CACNA2D3: variants seen among roughly 807,000 people sequenced by gnomAD.
CACNA2D3 encodes voltage-dependent calcium channel subunit alpha-2/delta-3.
A neutral mutation model predicts 160.6 loss-of-function variants in CACNA2D3; 60 were observed. That is an observed-to-expected ratio of 0.37 (90% CI 0.30 to 0.46). The LOEUF is 0.46. Ranked by LOEUF, CACNA2D3 falls within the 20% of genes least tolerant of loss-of-function variation. CACNA2D3 has a pLI of 1.00. For missense variants in CACNA2D3, 1,205 were observed against 1,365.0 expected, an observed-to-expected ratio of 0.88 and a Z score of 1.85; for synonymous variants, 558 against 492.9, an observed-to-expected ratio of 1.13 and a Z score of -1.75.
At chr3:54,301,416 A>G (rs1433754846) in intron 2 of CACNA2D3, among the ~76,000 whole-genome samples, 1 of 152,164 alleles carries the variant, frequency 6.6e-6, no homozygotes, top group African/African-American at 2.4e-5. Flanking sequence ...ATGACCTATG[A>G]TCATGACACT....
rs973882646 is a variant in CACNA2D3, at chr3:54,139,764, A to G, written c.204+16170A>G. On this transcript the variant is annotated intron_variant, in intron 2 of 37. Transcript: ENST00000474759. ...GCTTTAAACTGCCAAATAAAAAAAA[A>G]GCCAGCATTCATTCAACAAGTGTGG... 5.9e-5 allele frequency among the ~76,000 whole-genome samples: 9 copies of G among 152,244 alleles called. No individual in the cohort carries two copies. In the South Asian group the frequency reaches 6.2e-4, roughly 11 times the overall value.
chr3:54,344,195 C>T (rs932556406), intron 3 of CACNA2D3, among the ~76,000 whole-genome samples: 18 of 152,196 alleles, frequency 1.2e-4, no homozygotes, highest in Non-Finnish European at 2.5e-4. Context: ...CGCAGCCTCT[C>T]TCTCACCTCT....
At chr3:54,951,645 C>T (rs1013165311) in intron 27 of CACNA2D3, among the ~76,000 whole-genome samples, 10 of 151,092 alleles carry the variant, frequency 6.6e-5, no homozygotes, top group Admixed American at 2.6e-4. Context: ...TGCAGGGCTC[C>T]AGTCCCAGTT....
intron 5 of CACNA2D3, among the ~76,000 whole-genome samples, chr3:54,513,825 T>G (rs538390305): frequency 3.1e-4 from 47 of 152,246 alleles, no homozygotes; most frequent in Non-Finnish European, 5.0e-4. Flanking sequence ...GGTTTACAGG[T>G]GCACATCACC....
intron 35 of CACNA2D3, among the ~76,000 whole-genome samples, chr3:55,020,120 CA>C (rs573377865): frequency 6.6e-6 from 1 of 151,466 alleles, no homozygotes; most frequent in Non-Finnish European, 1.5e-5. Context: ...ACATCCATTA[CA>C]AAAAAATTTT....
At chr3:54,470,802 C>G (rs974181126) in intron 4 of CACNA2D3, among the ~76,000 whole-genome samples, 23 of 151,860 alleles carry the variant, frequency 1.5e-4, no homozygotes, top group Admixed American at 1.4e-3. Context: ...CAACAAAGAT[C>G]AAAAAAGACA....
chr3:54,973,649 A>T (rs1201361838), intron 29 of CACNA2D3, among the ~76,000 whole-genome samples: 1 of 152,148 alleles, frequency 6.6e-6, no homozygotes, highest in African/African-American at 2.4e-5. Context: ...TGCATGTTGG[A>T]CTGCCCACCT....
intron 2 of CACNA2D3, among the ~76,000 whole-genome samples, chr3:54,162,219 C>G (rs960292325): frequency 1.3e-5 from 2 of 152,154 alleles, no homozygotes; most frequent in Non-Finnish European, 2.9e-5. Flanking sequence ...CGCAAAACTT[C>G]ATTGCGAAAA....
intron 29 of CACNA2D3, among the ~76,000 whole-genome samples, chr3:54,972,698 T>C (rs951497665): frequency 6.6e-6 from 1 of 152,106 alleles, no homozygotes; most frequent in African/African-American, 2.4e-5. Flanking sequence ...GGCTGGTAGG[T>C]GGAGCCAGTG....
chr3:54,806,269 G>C (rs1267333785), intron 13 of CACNA2D3, among the ~76,000 whole-genome samples: 1 of 152,128 alleles, frequency 6.6e-6, no homozygotes, highest in Admixed American at 6.5e-5. Context: ...AATTGTCCCT[G>C]TTTGCAGACG....
rs1231171899 is a variant in CACNA2D3 at position 55,074,549 on chromosome 3, A to AAATC, written c.*345_*348dup. 5.1e-6 allele frequency: 1 copy of AAATC among 194,428 alleles called. No individual in the cohort carries two copies. The allele number at this position is 194,428 out of a possible 1,614,324, so 12.0% of individuals were successfully genotyped here. ...TGTACTTTTTAAATAAAGTATATTA[A>AAATC]AATCATAATCTCCGTGTTTGGATTT... On this transcript the variant is annotated 3_prime_UTR_variant, in exon 38 of 38. Coordinates refer to ENST00000474759, the MANE Select transcript of CACNA2D3 (RefSeq NM_018398.3).
intron 2 of CACNA2D3, among the ~76,000 whole-genome samples, chr3:54,232,312 T>C (rs1207220882): frequency 6.6e-6 from 1 of 152,166 alleles, no homozygotes; most frequent in Non-Finnish European, 1.5e-5. Context: ...AGGGTTATTG[T>C]GAGCATTAAA....
intron 30 of CACNA2D3, among the ~76,000 whole-genome samples, chr3:54,986,877 C>T (rs1702626708): frequency 6.6e-6 from 1 of 152,164 alleles, no homozygotes; most frequent in Non-Finnish European, 1.5e-5. Context: ...CGTACGCCCT[C>T]CCCCATGGGA....
chr3:54,402,369 T>C (rs904677152), intron 4 of CACNA2D3, among the ~76,000 whole-genome samples: 8 of 151,996 alleles, frequency 5.3e-5, no homozygotes, highest in African/African-American at 1.9e-4. Flanking sequence ...AAGGTCCAAC[T>C]ATATGCTACC....
intron 2 of CACNA2D3, among the ~76,000 whole-genome samples, chr3:54,295,588 G>A (rs1447608642): frequency 6.6e-6 from 1 of 152,098 alleles, no homozygotes; most frequent in Non-Finnish European, 1.5e-5. Context: ...AGAGACAAAC[G>A]GTTGCATTCT....
At chr3:54,224,958 T>C (rs1577010325) in intron 2 of CACNA2D3, among the ~76,000 whole-genome samples, 1 of 149,118 alleles carries the variant, frequency 6.7e-6, no homozygotes, top group Non-Finnish European at 1.5e-5. Context: ...TTTTTTTTTT[T>C]ACTTTATATA....
chr3:54,725,495 A>T (rs1442883528), intron 11 of CACNA2D3, among the ~76,000 whole-genome samples: 1 of 152,352 alleles, frequency 6.6e-6, no homozygotes, highest in African/African-American at 2.4e-5. Flanking sequence ...GCTCATTAAC[A>T]TTGATGCAAA....
intron 35 of CACNA2D3, among the ~76,000 whole-genome samples, chr3:55,061,026 A>G (rs1351622633): frequency 6.6e-6 from 1 of 152,196 alleles, no homozygotes; most frequent in Admixed American, 6.5e-5. Flanking sequence ...ATAAATCTCA[A>G]TAAATCCTTG....
intron 2 of CACNA2D3, among the ~76,000 whole-genome samples, chr3:54,251,686 A>G (rs1359409739): frequency 2.0e-5 from 3 of 152,206 alleles, no homozygotes; most frequent in Non-Finnish European, 4.4e-5. Context: ...GCCTTCCTAA[A>G]CAGTGTTTAG....
Sources: allele counts gnomAD v4.1 joint callset (sites outside exome capture counted in the v4.1 genomes callset), GRCh38; gene constraint gnomAD v4.1.1; transcripts MANE v1.5; gene names NCBI Gene and HGNC (gene_info 2026-07-23, HGNC 2026-07-21).